Variants in RIN2 observed in about 807,000 individuals in gnomAD.
RIN2 encodes Ras and Rab interactor 2, also known as RAB5 interacting protein 2.
A neutral mutation model predicts 78.0 loss-of-function variants in RIN2; 36 were observed. The observed-to-expected ratio is 0.46, with a 90% CI of 0.35 to 0.61. The LOEUF (loss-of-function observed/expected upper bound fraction) is 0.61. RIN2 is among the 20% of genes least tolerant of loss of function. RIN2 has a pLI of 0.00. For missense variants in RIN2, 1,087 were observed against 1,159.7 expected (o/e 0.94, Z 0.91); for synonymous variants, 466 against 466.8 (o/e 1.00, Z 0.02).
intron 11 of RIN2, among the ~76,000 whole-genome samples, chr20:19,993,664 C>A (rs1601080822): frequency 6.6e-6 from 1 of 152,084 alleles, no homozygotes; most frequent in South Asian, 2.1e-4. Flanking sequence ...CAGACACTCC[C>A]CGATGAGCCT....
intron 4 of RIN2, among the ~76,000 whole-genome samples, chr20:19,956,080 C>T (rs199558): frequency 2.0e-5 from 3 of 151,516 alleles, no homozygotes; most frequent in Non-Finnish European, 4.4e-5. Context: ...AACATGGCGA[C>T]ACCCTATCTC....
rs146034746 is a variant in RIN2 at position 19,759,895 on chromosome 20, G to A, written c.-163+1568G>A. Among the ~76,000 whole-genome samples the A allele has an allele frequency of 7.6e-3, 1,161 of 152,260 alleles. 8 individuals are homozygous for A. Among genetic ancestry groups the A allele is most frequent in the Non-Finnish European group, 0.011 (742 of 68,020 alleles). Reference sequence around the variant, plus strand: ...AGAACCCTGCTTCATTGTTCAATGGGAACAGTCATATCCAGTCTCCCTCCC... The same window carrying A: ...AGAACCCTGCTTCATTGTTCAATGGAAACAGTCATATCCAGTCTCCCTCCC... On this transcript the variant is annotated intron_variant, in intron 1 of 12. Transcript: ENST00000255006.
At chr20:19,891,729 G>C (rs1205890458) in intron 3 of RIN2, among the ~76,000 whole-genome samples, 1 of 134,450 alleles carries the variant, frequency 7.4e-6, no homozygotes, top group Non-Finnish European at 1.6e-5. Flanking sequence ...TGAAGCAGGA[G>C]AATCGTTTGA....
In RIN2 at chr20:19,880,392, C is replaced by CTTT. The variant is rs33934712; in HGVS notation, c.-36-9150_-36-9148dup. Among the ~76,000 whole-genome samples the CTTT allele has an allele frequency of 2.6e-3, 147 of 57,418 alleles. 20 individuals are homozygous for CTTT. The highest frequency in any genetic ancestry group is 0.01 in the African/African-American group (139 of 13,374). The allele number at this position is 57,418 out of a possible 152,430, so 37.7% of individuals were successfully genotyped here. A position where few individuals can be genotyped will look rare whatever the true frequency, so the allele number is the denominator to read the frequency against. ...ATCTTATGCTTTAGAGGAAGTCATTCTTTTTTTTTTTTTTTTTTTTTTTTT... is the reference window on the plus strand; with the variant it reads ...ATCTTATGCTTTAGAGGAAGTCATTCTTTTTTTTTTTTTTTTTTTTTTTTTTTT... On this transcript the variant is annotated intron_variant, in intron 2 of 12. Coordinates refer to ENST00000255006, the MANE Select transcript of RIN2 (RefSeq NM_018993.4).
At chr20:19,783,290 T>G (rs2034570166) in intron 1 of RIN2, among the ~76,000 whole-genome samples, 1 of 152,244 alleles carries the variant, frequency 6.6e-6, no homozygotes, top group South Asian at 2.1e-4. Context: ...GCAGAGAAGT[T>G]ACTGTGTGCA....
At chr20:19,787,456 A>C (rs1054744523) in intron 1 of RIN2, among the ~76,000 whole-genome samples, 1 of 145,752 alleles carries the variant, frequency 6.9e-6, no homozygotes, top group African/African-American at 2.5e-5. Flanking sequence ...AGAGAGAGAG[A>C]GAGAGAAATG....
chr20:19,830,099 T>C (rs1294261574), intron 2 of RIN2, among the ~76,000 whole-genome samples: 1 of 152,240 alleles, frequency 6.6e-6, no homozygotes, highest in African/African-American at 2.4e-5. Context: ...ACCCAAATGA[T>C]AGCAGTCCAC....
Position 19,975,163 on chromosome 20 carries a change from G to A in RIN2, c.1138G>A (p.Gly380Ser), listed in dbSNP as rs373615542. The A allele has an allele frequency of 3.7e-6, 6 of 1,611,634 alleles. No homozygotes were observed. The highest frequency in any genetic ancestry group is 4.5e-5 in the East Asian group (2 of 44,830). The change falls in exon 9 of 13, where the codon GGC (glycine) becomes AGC (serine). Residue 380 changes from glycine (G) to serine (S), a missense_variant. Physicochemically the swap from Gly to Ser is moderately conservative, Grantham distance 56. Coordinates refer to ENST00000255006, the MANE Select transcript of RIN2 (RefSeq NM_018993.4). The surrounding 1 kb of genome is among the most constrained non-coding windows in gnomAD (Gnocchi z 4.9). ...GGGCGGTGCAAAGACCTTGAGCGGC[G>A]GCCGGCCGGGCGCAGGCCCGGAGCT... Reference protein sequence around the residue: ...AEGGAKTLSGGRPGAGPELEL... With the variant: ...AEGGAKTLSGSRPGAGPELEL...
At chr20:19,951,047 G>A (rs73126193) in intron 4 of RIN2, among the ~76,000 whole-genome samples, 4,920 of 152,094 alleles carry the variant, frequency 0.032, 122 homozygotes, top group Non-Finnish European at 0.044. Flanking sequence ...GCTCCATCAT[G>A]CCTGGCTAAT....
chr20:19,934,407 A>G (rs2040553384), intron 3 of RIN2: 3 of 897,186 alleles, frequency 3.3e-6, no homozygotes. Flanking sequence ...ATTTTAGACC[A>G]GCCTGAAGGG....
At chr20:19,853,212 T>G (rs2037049346) in intron 2 of RIN2, among the ~76,000 whole-genome samples, 1 of 152,110 alleles carries the variant, frequency 6.6e-6, no homozygotes, top group Non-Finnish European at 1.5e-5. Flanking sequence ...GGACATGAAC[T>G]CATCCTTTTT....
At chr20:19,995,335 C>T (rs189330682) in intron 11 of RIN2, among the ~76,000 whole-genome samples, 14 of 150,134 alleles carry the variant, frequency 9.3e-5, no homozygotes, top group Non-Finnish European at 4.4e-5. Context: ...TTCTTACAAA[C>T]CTACTTTCTT....
At chr20:19,813,616 C>CAGAT (rs139941363) in intron 2 of RIN2, among the ~76,000 whole-genome samples, 42,808 of 152,024 alleles carry the variant, frequency 0.28, 6,140 homozygotes, top group South Asian at 0.39. Context: ...AAAGTAGAGA[C>CAGAT]AGGTGCATAA....
At chr20:19,939,465 A>C (rs933685929) in intron 4 of RIN2, among the ~76,000 whole-genome samples, 19 of 152,352 alleles carry the variant, frequency 1.2e-4, no homozygotes, top group African/African-American at 3.6e-4. Flanking sequence ...GCCAAGCAGC[A>C]TGGTGAACCT....
intron 9 of RIN2, among the ~76,000 whole-genome samples, chr20:19,978,270 G>T (rs894455961): frequency 1.3e-5 from 2 of 152,200 alleles, no homozygotes; most frequent in Non-Finnish European, 2.9e-5. Flanking sequence ...ACAACTTGAA[G>T]TCAAGAAGGT....
rs529211207 is a variant in RIN2, at chr20:19,829,541, C to T, written c.-37+29794C>T. Among the ~76,000 whole-genome samples, 12 of 152,146 alleles carry T rather than the reference C, an allele frequency of 7.9e-5. No individual in the cohort carries two copies. The South Asian group carries it at 8.3e-4, about 11-fold the overall frequency. ...GCTGTTGTGTTTGATGAAAGTGTGCCGGCTTAAAAAGTTCAAAAATCCACT... is the reference window on the plus strand; with the variant it reads ...GCTGTTGTGTTTGATGAAAGTGTGCTGGCTTAAAAAGTTCAAAAATCCACT... On this transcript the variant is annotated intron_variant, in intron 2 of 12. Transcript: ENST00000255006.
At chr20:19,966,280 A>G (rs2041934184) in intron 7 of RIN2, among the ~76,000 whole-genome samples, 1 of 151,018 alleles carries the variant, frequency 6.6e-6, no homozygotes, top group African/African-American at 2.4e-5. Flanking sequence ...CAAAGACTAA[A>G]TGCCTGTTGA....
At chr20:19,772,119 G>A (rs757916271) in intron 1 of RIN2, among the ~76,000 whole-genome samples, 13 of 152,140 alleles carry the variant, frequency 8.5e-5, no homozygotes, top group Non-Finnish European at 1.9e-4. Context: ...CAATTGTCCC[G>A]CTCTTTGCTG....
intron 11 of RIN2, among the ~76,000 whole-genome samples, chr20:19,996,200 G>A (rs1337691916): frequency 6.6e-6 from 1 of 152,190 alleles, no homozygotes; most frequent in African/African-American, 2.4e-5. Context: ...TTTAATCCGA[G>A]CCACTCGGGA....
Sources: allele counts gnomAD v4.1 joint callset (sites outside exome capture counted in the v4.1 genomes callset), GRCh38; gene constraint gnomAD v4.1.1; non-coding constraint Gnocchi (gnomAD v3.1); transcripts MANE v1.5; gene names NCBI Gene and HGNC (gene_info 2026-07-23, HGNC 2026-07-21).